Variants in HS6ST2 observed in about 807,000 individuals in gnomAD.
The protein encoded by HS6ST2 is heparan-sulfate 6-O-sulfotransferase 2.
In HS6ST2, 17 loss-of-function variants were observed where a neutral mutation model predicts 33.0. The observed-to-expected ratio is 0.52, with a 90% confidence interval of 0.35 to 0.77. The LOEUF (loss-of-function observed/expected upper bound fraction) is 0.77, where lower values mean the gene tolerates loss of function less well. Among genes scored for constraint, HS6ST2 ranks in the 30% least tolerant of loss-of-function variants. HS6ST2 has a pLI of 0.01. For synonymous variants in HS6ST2, 248 were observed against 237.1 expected (o/e 1.05, Z -0.42); for missense variants, 519 against 551.7 (o/e 0.94, Z 0.59).
intron 2 of HS6ST2, among the ~76,000 whole-genome samples, chrX:132,743,461 C>T (rs984790628): frequency 2.7e-5 from 3 of 112,318 alleles, no homozygotes; most frequent in Non-Finnish European, 3.8e-5. Flanking sequence ...AAGGAAATTG[C>T]GTCCTACTGA....
intron 2 of HS6ST2, among the ~76,000 whole-genome samples, chrX:132,794,555 G>GGGT (rs1556445841): frequency 6.5e-5 from 6 of 92,277 alleles, no homozygotes; most frequent in African/African-American, 2.5e-4. Flanking sequence ...CACCACTCCT[G>GGGT]GATGATGATG....
intron 2 of HS6ST2, among the ~76,000 whole-genome samples, chrX:132,754,065 C>A (rs2064734852): frequency 9.0e-6 from 1 of 111,358 alleles, no homozygotes; most frequent in Non-Finnish European, 1.9e-5. Flanking sequence ...GTTGCAGGAT[C>A]CCACATTACA....
chrX:132,869,032 T>C (rs1286475396), intron 2 of HS6ST2, among the ~76,000 whole-genome samples: 1 of 108,589 alleles, frequency 9.2e-6, no homozygotes, highest in South Asian at 4.0e-4. Flanking sequence ...GATAGAAGGC[T>C]AGCCAGACTA....
chrX:132,857,511 G>A (rs988125560), intron 2 of HS6ST2, among the ~76,000 whole-genome samples: 6 of 109,311 alleles, frequency 5.5e-5, no homozygotes, highest in Non-Finnish European at 9.5e-5. Flanking sequence ...AAAAAGAAAA[G>A]AAAAAGTACA....
At chrX:132,758,429 T>G (rs1167566542) in intron 2 of HS6ST2, 1 of 112,108 alleles carries the variant, frequency 8.9e-6, no homozygotes, top group African/African-American at 3.2e-5. Context: ...GGAATTCATA[T>G]GAGAGTCCCA....
intron 4 of HS6ST2, among the ~76,000 whole-genome samples, chrX:132,657,219 AC>A (rs751049843): frequency 9.0e-6 from 1 of 111,369 alleles, no homozygotes; most frequent in East Asian, 2.9e-4. Flanking sequence ...AAAAATAACA[AC>A]ATTATGCATG....
In HS6ST2 at chrX:132,750,509, G is replaced by A. The variant is rs372311275; in HGVS notation, c.948-42015C>T. On this transcript the variant is annotated intron_variant, in intron 2 of 4. Coordinates refer to ENST00000370833, the MANE Select transcript of HS6ST2 (RefSeq NM_001394073.1). ...AACAATATGTGGGCTGTACAGTAGT[G>A]CTGCTAGCTTTGTTTTCATCTAAAG... Among the ~76,000 whole-genome samples, 15 of 111,568 alleles carry A rather than the reference G, an allele frequency of 1.3e-4. No homozygotes were observed. In the East Asian group the frequency reaches 2.8e-3, roughly 21 times the overall value.
intron 4 of HS6ST2, among the ~76,000 whole-genome samples, chrX:132,656,974 A>G (rs752446265): frequency 6.3e-5 from 7 of 111,717 alleles, no homozygotes; most frequent in Admixed American, 3.8e-4. Flanking sequence ...CTCAGGCTCA[A>G]TGGCCTGGGT....
chrX:132,923,273 T>C (rs2066674490), intron 2 of HS6ST2, among the ~76,000 whole-genome samples: 1 of 111,181 alleles, frequency 9.0e-6, no homozygotes, highest in African/African-American at 3.3e-5. Flanking sequence ...TGTGTTGATG[T>C]TAATGCCAGA....
At chrX:132,650,741 ATCTC>A (rs3066707) in intron 4 of HS6ST2, among the ~76,000 whole-genome samples, 1,806 of 87,325 alleles carry the variant, frequency 0.021, 31 homozygotes, top group African/African-American at 0.07. Flanking sequence ...CATAGGAGGG[ATCTC>A]TCTCTCTCTC....
intron 2 of HS6ST2, among the ~76,000 whole-genome samples, chrX:132,935,370 AT>A (rs1325156725): frequency 6.4e-5 from 7 of 110,159 alleles, no homozygotes; most frequent in African/African-American, 2.0e-4. Context: ...GTCTCAACAT[AT>A]TTTTTTTTCC....
chrX:132,949,178 G>A (rs1269301252), intron 2 of HS6ST2, among the ~76,000 whole-genome samples: 1 of 109,587 alleles, frequency 9.1e-6, no homozygotes, highest in African/African-American at 3.3e-5. Context: ...TGGATGTTTA[G>A]AACTATAGCC....
chrX:132,904,974 T>C (rs181735208), intron 2 of HS6ST2, among the ~76,000 whole-genome samples: 360 of 111,698 alleles, frequency 3.2e-3, no homozygotes, highest in African/African-American at 0.011. Context: ...GATTTTAATA[T>C]GCATTTTTGA....
intron 2 of HS6ST2, among the ~76,000 whole-genome samples, chrX:132,720,248 G>A (rs911253654): frequency 8.9e-6 from 1 of 112,270 alleles, no homozygotes; most frequent in Non-Finnish European, 1.9e-5. Flanking sequence ...TCATTAGACT[G>A]CTTGCTCATT....
chrX:132,775,124 C>T (rs758489225), intron 2 of HS6ST2, among the ~76,000 whole-genome samples: 1 of 111,484 alleles, frequency 9.0e-6, no homozygotes, highest in African/African-American at 3.3e-5. Context: ...TCCACTCTTT[C>T]CCTAAATATA....
At chrX:132,735,230 T>C (rs2064497305) in intron 2 of HS6ST2, 1 of 111,311 alleles carries the variant, frequency 9.0e-6, no homozygotes, top group African/African-American at 3.3e-5. Context: ...ACAGCTGTCA[T>C]TTGGTGCTCC....
At chrX:132,873,628 G>T (rs758659711) in intron 2 of HS6ST2, among the ~76,000 whole-genome samples, 78 of 111,572 alleles carry the variant, frequency 7.0e-4, no homozygotes, top group Non-Finnish European at 1.3e-3. Flanking sequence ...GTGGATCTGG[G>T]TCTTATTAAT....
At chrX:132,884,109 G>A (rs1017939826) in intron 2 of HS6ST2, among the ~76,000 whole-genome samples, 5 of 111,334 alleles carry the variant, frequency 4.5e-5, no homozygotes, top group African/African-American at 9.8e-5. Flanking sequence ...TGGGAAGTAC[G>A]AAGGAGAATT....
chrX:132,896,690 A>G (rs1370123633), intron 2 of HS6ST2, among the ~76,000 whole-genome samples: 1 of 111,749 alleles, frequency 8.9e-6, no homozygotes, highest in Non-Finnish European at 1.9e-5. Flanking sequence ...CACATACCCC[A>G]TAAATACATA....
Sources: allele counts gnomAD v4.1 joint callset (sites outside exome capture counted in the v4.1 genomes callset), GRCh38; gene constraint gnomAD v4.1.1; transcripts MANE v1.5; gene names NCBI Gene and HGNC (gene_info 2026-07-23, HGNC 2026-07-21).